Variants in APC observed in about 807,000 individuals in gnomAD.
APC encodes the protein APC regulator of Wnt signaling pathway.
APC carries 72 observed loss-of-function variants against 247.0 expected under a neutral mutation model. The ratio of observed to expected loss-of-function variants is 0.29; its 90% confidence interval spans 0.24 to 0.35. The LOEUF (loss-of-function observed/expected upper bound fraction) is 0.35, where lower values mean the gene tolerates loss of function less well. APC is among the 10% of genes least tolerant of loss of function. APC has a pLI of 1.00. For missense variants in APC, 3,400 were observed against 3,360.7 expected (o/e 1.01, Z -0.29); for synonymous variants, 1,254 against 1,162.5 (o/e 1.08, Z -1.60).
At position 112,837,782 on chromosome 5, in the gene APC, A is replaced by G. The variant is rs1580619095; in HGVS notation, c.2188A>G (p.Met730Val). The G allele has an allele frequency of 1.2e-6, 2 of 1,612,008 alleles. No individual in the cohort carries two copies. Among genetic ancestry groups the G allele is most frequent in the Non-Finnish European group, 8.5e-7 (1 of 1,178,096 alleles). The change falls in exon 16 of 16, where the codon ATG becomes GTG. Residue 730 changes from methionine to valine, a missense_variant. Physicochemically the swap from Met to Val is conservative, Grantham distance 21. Transcript: ENST00000257430. ...MGSAAALRNL[M>V]ANRPAKYKDA... is the part of the protein sequence containing the mutation. ...AAGTGCTGCAGCTTTAAGGAATCTCATGGCAAATAGGCCTGCGAAGTACAA... is the reference window on the plus strand; with the variant it reads ...AAGTGCTGCAGCTTTAAGGAATCTCGTGGCAAATAGGCCTGCGAAGTACAA...
At position 112,839,140 on chromosome 5, in the gene APC, A is replaced by C. The variant is rs769950725; in HGVS notation, c.3546A>C (p.Lys1182Asn). The C allele has an allele frequency of 6.2e-7, 1 of 1,614,128 alleles. No individual in the cohort carries two copies. Among genetic ancestry groups the C allele is most frequent in the Non-Finnish European group, 8.5e-7 (1 of 1,180,036 alleles). The stretch of plus-strand genomic sequence containing the variant: ...ATCAGCCTATTGATTATAGTTTAAA[A>C]TATGCCACAGATATTCCTTCATCAC... Reference protein sequence around the residue: ...HVDQPIDYSLKYATDIPSSQK... With the variant: ...HVDQPIDYSLNYATDIPSSQK... The change falls in exon 16 of 16, where the codon AAA becomes AAC. Residue 1182 changes from lysine (K) to asparagine (N), a missense_variant. Transcript: ENST00000257430. The surrounding 1 kb of genome is among the most constrained non-coding windows in gnomAD (Gnocchi z 5.0).
chr5:112,774,225 C>CA (rs1162306407), intron 4 of APC, among the ~76,000 whole-genome samples: 6 of 151,346 alleles, frequency 4.0e-5, no homozygotes, highest in Admixed American at 2.6e-4. Context: ...ATGTAGCTAA[C>CA]AAAAAAAATA....
chr5:112,734,791 GTGT>G (rs201287837), upstream of APC, among the ~76,000 whole-genome samples: 6 of 114,314 alleles, frequency 5.2e-5, no homozygotes, highest in South Asian at 1.0e-3. Context: ...GTGTGTGTGT[GTGT>G]TTTTTTTTTT....
chr5:112,758,960 G>A (rs1040877454), intron 2 of APC, among the ~76,000 whole-genome samples: 15 of 152,116 alleles, frequency 9.9e-5, no homozygotes, highest in African/African-American at 1.4e-4. Flanking sequence ...GGTAAATATG[G>A]CATTTTAGAG....
At chr5:112,711,859 G>C (rs546027432) in intron 1 of APC, among the ~76,000 whole-genome samples, 2 of 152,084 alleles carry the variant, frequency 1.3e-5, no homozygotes, top group African/African-American at 4.8e-5. Context: ...CATTGTCCTT[G>C]TGTTTGGGCT....
chr5:112,786,962 A>G (rs1264682744), intron 6 of APC, among the ~76,000 whole-genome samples: 1 of 138,748 alleles, frequency 7.2e-6, no homozygotes, highest in African/African-American at 2.7e-5. Context: ...ATTTTGTCTC[A>G]CTGCAACCTC....
rs1459755551 is a variant in APC, at chr5:112,707,568, G to A, written c.-150G>A. 38 of 782,136 alleles carry A rather than the reference G, an allele frequency of 4.9e-5. No individual in the cohort carries two copies. Among genetic ancestry groups the A allele is most frequent in the Non-Finnish European group, 6.4e-5 (34 of 533,732 alleles). 48.4% of individuals were successfully genotyped at this position (782,136 alleles called of 1,614,324 possible). A position where few individuals can be genotyped will look rare whatever the true frequency, so the allele number is the denominator to read the frequency against. ...GCAAGGGGGCGGGGTGTGGCCGCCGGAAGCCTAGCCGCTGCTCGGGGGGGA... is the reference window on the plus strand; with the variant it reads ...GCAAGGGGGCGGGGTGTGGCCGCCGAAAGCCTAGCCGCTGCTCGGGGGGGA... On this transcript the variant is annotated 5_prime_UTR_variant, in exon 1 of 14. Transcript: ENST00000507379.
chr5:112,783,500 A>G (rs1041912857), intron 6 of APC, among the ~76,000 whole-genome samples: 2 of 151,966 alleles, frequency 1.3e-5, no homozygotes, highest in Non-Finnish European at 2.9e-5. Flanking sequence ...TCAATTGAAA[A>G]TGGTCAACCA....
upstream of APC, among the ~76,000 whole-genome samples, chr5:112,735,410 T>C (rs1457865153): frequency 6.6e-6 from 1 of 151,908 alleles, no homozygotes; most frequent in African/African-American, 2.4e-5. Context: ...ACTCCTGAGC[T>C]CAAGTGAACT....
intron 6 of APC, among the ~76,000 whole-genome samples, chr5:112,785,322 A>G (rs192794169): frequency 6.6e-6 from 1 of 152,344 alleles, no homozygotes; most frequent in Non-Finnish European, 1.5e-5. Context: ...TAGTAAGAGA[A>G]TTTAGTAAGG....
At chr5:112,712,447 C>T (rs1469086050) in intron 1 of APC, among the ~76,000 whole-genome samples, 2 of 152,060 alleles carry the variant, frequency 1.3e-5, no homozygotes, top group Admixed American at 6.6e-5. Flanking sequence ...CATGTAGTGG[C>T]ATAATCACAA....
rs762899641 is a variant in APC, at chr5:112,835,170, A to G, written c.1958+5A>G. The G allele has an allele frequency of 2.5e-5, 41 of 1,608,916 alleles. 1 individual carries two copies. The South Asian group carries it at 4.1e-4, about 16-fold the overall frequency. On this transcript the variant is annotated splice_donor_5th_base_variant and intron_variant, in intron 15 of 15. Coordinates refer to ENST00000257430, the MANE Select transcript of APC (RefSeq NM_000038.6). ...AGCTACAAATGAGGACCACAGGTAT[A>G]TATAGAGTTTTATATTACTTTTAAA...
At chr5:112,793,158 C>G (rs1759830580) in intron 7 of APC, among the ~76,000 whole-genome samples, 1 of 152,004 alleles carries the variant, frequency 6.6e-6, no homozygotes, top group Non-Finnish European at 1.5e-5. Flanking sequence ...TCCCTACAAC[C>G]CTGTACAGCT....
intron 1 of APC, chr5:112,738,247 A>G: frequency 2.0e-6 from 2 of 978,092 alleles, no homozygotes; most frequent in Non-Finnish European, 2.4e-6. Context: ...GTGGAATAAC[A>G]GTATCTAAGG....
rs770869007 is a variant in APC at position 112,841,417 on chromosome 5, A to C, written c.5823A>C (p.Pro1941=). Reference sequence around the variant, plus strand: ...TTCCCCAGTCATCCAAAGACATACCAGACAGAGGGGCAGCAACTGATGAAA... The same window carrying C: ...TTCCCCAGTCATCCAAAGACATACCCGACAGAGGGGCAGCAACTGATGAAA... ...STFPQSSKDI[P]DRGAATDEKL... The change falls in exon 16 of 16, where the codon CCA becomes CCC. Residue 1941 remains proline (P), a synonymous_variant. Coordinates refer to ENST00000257430, the MANE Select transcript of APC (RefSeq NM_000038.6). This position sits in a 1 kb window ranked among gnomAD's most constrained non-coding sequence, Gnocchi z 4.6. 1 of 1,614,056 alleles carries C rather than the reference A, an allele frequency of 6.2e-7. No homozygotes were observed. The highest frequency in any genetic ancestry group is 8.5e-7 in the Non-Finnish European group (1 of 1,179,926).
intron 14 of APC, among the ~76,000 whole-genome samples, chr5:112,830,494 A>G (rs1444586152): frequency 6.6e-6 from 1 of 152,216 alleles, no homozygotes; most frequent in Non-Finnish European, 1.5e-5. Context: ...AACATTTGGC[A>G]GTGTTTTTAA....
intron 2 of APC, among the ~76,000 whole-genome samples, chr5:112,755,944 CAAA>C (rs71708215): frequency 7.8e-6 from 1 of 128,064 alleles, no homozygotes; most frequent in African/African-American, 2.8e-5. Flanking sequence ...ACCCCATTCT[CAAA>C]AAAAAAAAAA....
intron 8 of APC, among the ~76,000 whole-genome samples, chr5:112,804,971 A>C (rs181521029): frequency 2.8e-4 from 43 of 152,200 alleles, no homozygotes; most frequent in Middle Eastern, 6.8e-3. Context: ...ACAAGGCAAA[A>C]AATATTTTTT....
intron 1 of APC, among the ~76,000 whole-genome samples, chr5:112,719,163 CT>C (rs765148965): frequency 2.0e-5 from 3 of 152,066 alleles, no homozygotes; most frequent in Non-Finnish European, 4.4e-5. Context: ...ACAAATTTGT[CT>C]TTTAGTATTT....
Sources: allele counts gnomAD v4.1 joint callset (sites outside exome capture counted in the v4.1 genomes callset), GRCh38; gene constraint gnomAD v4.1.1; non-coding constraint Gnocchi (gnomAD v3.1); transcripts MANE v1.5; gene names NCBI Gene and HGNC (gene_info 2026-07-23, HGNC 2026-07-21).